The following SLCO3A1 variants were observed in gnomAD, a reference collection of about 807,000 sequenced individuals.
SLCO3A1 encodes solute carrier organic anion transporter family member 3A1.
Under a neutral mutation model 63.1 loss-of-function variants are expected in SLCO3A1, and 27 were observed. That is an observed-to-expected ratio of 0.43 (90% CI 0.32 to 0.59). The LOEUF (loss-of-function observed/expected upper bound fraction) is 0.59, where lower values mean the gene tolerates loss of function less well. Among genes scored for constraint, SLCO3A1 ranks in the 20% least tolerant of loss-of-function variants. The pLI is 0.09. For synonymous variants in SLCO3A1, 473 were observed against 409.9 expected, an observed-to-expected ratio of 1.15 and a Z score of -1.86; for missense variants, 773 against 945.8, an observed-to-expected ratio of 0.82 and a Z score of 2.40.
At chr15:92,038,099 T>C (rs138654200) in intron 2 of SLCO3A1, among the ~76,000 whole-genome samples, 3 of 152,308 alleles carry the variant, frequency 2.0e-5, no homozygotes, top group African/African-American at 7.2e-5. Flanking sequence ...GAAAGACATG[T>C]GTTCAGGTGT....
chr15:92,151,424 C>A (rs762571443), intron 9 of SLCO3A1, among the ~76,000 whole-genome samples: 1 of 152,136 alleles, frequency 6.6e-6, no homozygotes, highest in Non-Finnish European at 1.5e-5. Context: ...AACTTTGCAT[C>A]CTTTAAATTT....
At position 91,883,617 on chromosome 15, in the gene SLCO3A1, T is replaced by A. The variant is rs567701358; in HGVS notation, c.180+29529T>A. On this transcript the variant is annotated intron_variant, in intron 1 of 9. Coordinates refer to ENST00000318445, the MANE Select transcript of SLCO3A1 (RefSeq NM_013272.4). This position sits in a 1 kb window ranked among gnomAD's most constrained non-coding sequence, Gnocchi z 4.8. ...GTGGCTGTGGGTTATAAATTCCAAG[T>A]TGTGATTTATAAGCCTTAATAGTTA... is the stretch of plus-strand genomic sequence containing the variant. 7.2e-5 allele frequency among the ~76,000 whole-genome samples: 11 copies of A among 152,344 alleles called. No individual in the cohort carries two copies. The highest frequency in any genetic ancestry group is 2.6e-4 in the African/African-American group (11 of 41,574).
intron 2 of SLCO3A1, among the ~76,000 whole-genome samples, chr15:92,018,414 G>A (rs12899673): frequency 0.31 from 46,901 of 151,970 alleles, 7,580 homozygotes; most frequent in Admixed American, 0.42. Flanking sequence ...ACAGAACATG[G>A]TGCTCCCTCC....
intron 1 of SLCO3A1, among the ~76,000 whole-genome samples, chr15:91,888,339 A>G (rs1191927244): frequency 2.0e-5 from 3 of 152,122 alleles, no homozygotes; most frequent in South Asian, 2.1e-4. Flanking sequence ...CATCCTGAGC[A>G]TGTGTGTCTT....
chr15:92,066,355 A>C (rs2047151513), intron 2 of SLCO3A1, among the ~76,000 whole-genome samples: 2 of 152,204 alleles, frequency 1.3e-5, no homozygotes. Context: ...TCATCTCAAA[A>C]ATCGGAGAAA....
At chr15:91,979,518 AACCTTTCTTCTTTCT>A (rs2151435341) in intron 2 of SLCO3A1, among the ~76,000 whole-genome samples, 1 of 152,308 alleles carries the variant, frequency 6.6e-6, no homozygotes, top group East Asian at 1.9e-4. Context: ...CAGTTAGCAG[AACCTTTCTTCTTTCT>A]ACCTCTTCCC....
intron 2 of SLCO3A1, among the ~76,000 whole-genome samples, chr15:91,971,529 A>G (rs1900871566): frequency 6.6e-6 from 1 of 151,902 alleles, no homozygotes; most frequent in Non-Finnish European, 1.5e-5. Context: ...ACTGTTTGAA[A>G]AGGCCCCAAG....
chr15:92,116,571 G>A (rs2047798008), intron 4 of SLCO3A1, among the ~76,000 whole-genome samples: 4 of 152,224 alleles, frequency 2.6e-5, no homozygotes, highest in Admixed American at 2.6e-4. Flanking sequence ...CAATGGCCTG[G>A]TGTGGCCTTG....
At chr15:92,149,702 TCTC>T (rs1395464477) in intron 8 of SLCO3A1, 1 of 152,192 alleles carries the variant, frequency 6.6e-6, no homozygotes, top group Non-Finnish European at 1.5e-5. Context: ...GGATTCTTCT[TCTC>T]ATAGGAAGCA....
At chr15:92,168,417 A>G (rs999073284), downstream of SLCO3A1, among the ~76,000 whole-genome samples, 29 of 152,334 alleles carry the variant, frequency 1.9e-4, no homozygotes, top group African/African-American at 5.5e-4. Flanking sequence ...CTGTGTTGCA[A>G]CTTCTCAACT....
At chr15:91,855,224 G>A (rs569172738) in intron 1 of SLCO3A1, among the ~76,000 whole-genome samples, 1 of 152,124 alleles carries the variant, frequency 6.6e-6, no homozygotes, top group East Asian at 1.9e-4. Context: ...CTCATTCCTG[G>A]CCTTGGGGTA....
intron 1 of SLCO3A1, among the ~76,000 whole-genome samples, chr15:91,871,435 G>A (rs1252701643): frequency 2.0e-5 from 3 of 152,282 alleles, no homozygotes; most frequent in South Asian, 2.1e-4. Context: ...TGGGTTTCAC[G>A]TTGGACTCCC....
intron 2 of SLCO3A1, among the ~76,000 whole-genome samples, chr15:92,017,715 CAGG>C (rs1282826761): frequency 2.6e-5 from 4 of 152,022 alleles, no homozygotes; most frequent in African/African-American, 9.7e-5. Flanking sequence ...AGGATTGGCT[CAGG>C]AGTTCACAGG....
intron 2 of SLCO3A1, among the ~76,000 whole-genome samples, chr15:91,944,829 C>G (rs1899748342): frequency 1.3e-5 from 2 of 152,154 alleles, no homozygotes; most frequent in Non-Finnish European, 2.9e-5. Context: ...CTCTCTCTCT[C>G]TTTCTCTCCC....
intron 2 of SLCO3A1, among the ~76,000 whole-genome samples, chr15:92,030,736 C>T (rs1387409211): frequency 1.3e-5 from 2 of 152,114 alleles, no homozygotes; most frequent in African/African-American, 2.4e-5. Context: ...AAGTGGTGCC[C>T]ACCTCTCCAT....
At chr15:92,013,594 A>T (rs750913712) in intron 2 of SLCO3A1, among the ~76,000 whole-genome samples, 1 of 152,234 alleles carries the variant, frequency 6.6e-6, no homozygotes, top group Non-Finnish European at 1.5e-5. Context: ...CTGATGACTT[A>T]AAGTATTAAG....
Position 91,900,308 on chromosome 15 carries a change from T to C in SLCO3A1, c.181-15685T>C, listed in dbSNP as rs780022649. ...TCCAGTTTCCTCAGATGGACGTGAATACTTTGTATTGTCTGTTCGTTTGTT... is the reference window on the plus strand; with the variant it reads ...TCCAGTTTCCTCAGATGGACGTGAACACTTTGTATTGTCTGTTCGTTTGTT... On this transcript the variant is annotated intron_variant, in intron 1 of 9. Coordinates refer to ENST00000318445, the MANE Select transcript of SLCO3A1 (RefSeq NM_013272.4). This position sits in a 1 kb window ranked among gnomAD's most constrained non-coding sequence, Gnocchi z 4.3. Among the ~76,000 whole-genome samples the C allele has an allele frequency of 1.4e-4, 22 of 152,190 alleles. No homozygotes were observed. Among genetic ancestry groups the C allele is most frequent in the Non-Finnish European group, 2.4e-4 (16 of 68,034 alleles).
At chr15:91,874,707 T>C (rs140685137) in intron 1 of SLCO3A1, among the ~76,000 whole-genome samples, 133 of 152,384 alleles carry the variant, frequency 8.7e-4, no homozygotes, top group African/African-American at 3.0e-3. Flanking sequence ...ATCATCGCTG[T>C]AGAGCTTTCA....
intron 7 of SLCO3A1, among the ~76,000 whole-genome samples, chr15:92,138,435 T>C (rs2048086550): frequency 8.8e-6 from 1 of 113,846 alleles, no homozygotes. Context: ...TTCTTTTGGC[T>C]TAGGATTGCC....
Sources: allele counts gnomAD v4.1 joint callset (sites outside exome capture counted in the v4.1 genomes callset), GRCh38; gene constraint gnomAD v4.1.1; non-coding constraint Gnocchi (gnomAD v3.1); transcripts MANE v1.5; gene names NCBI Gene and HGNC (gene_info 2026-07-23, HGNC 2026-07-21).